Variants in MMP24 observed in about 807,000 individuals in gnomAD.
The protein encoded by MMP24 is matrix metallopeptidase 24, also known as matrix metalloproteinase-24.
In MMP24, 25 loss-of-function variants were observed where a neutral mutation model predicts 62.8. The observed-to-expected ratio is 0.40, with a 90% CI of 0.29 to 0.56. The LOEUF (loss-of-function observed/expected upper bound fraction) is 0.56, where lower values mean the gene tolerates loss of function less well. MMP24 is among the 20% of genes least tolerant of loss of function. The probability of loss-of-function intolerance (pLI) is 0.50; values close to 1 mark genes in which losing one functional copy is unlikely to be tolerated. For synonymous variants in MMP24, 319 were observed against 350.5 expected (o/e 0.91, Z 1.00); for missense variants, 634 against 853.6 (o/e 0.74, Z 3.21).
chr20:35,250,805 AACTC>A (rs1222626981), intron 2 of MMP24, among the ~76,000 whole-genome samples: 4 of 152,064 alleles, frequency 2.6e-5, no homozygotes, highest in African/African-American at 7.2e-5. Context: ...ATCTCATGAG[AACTC>A]ACTCACTATC....
intron 4 of MMP24, among the ~76,000 whole-genome samples, chr20:35,262,035 C>T (rs1434633314): frequency 6.6e-6 from 1 of 152,068 alleles, no homozygotes; most frequent in African/African-American, 2.4e-5. Flanking sequence ...CTCCTGACCT[C>T]AAGTGATCCA....
At chr20:35,267,085 G>A in intron 5 of MMP24, 120 bp from the exon 6 acceptor site, 2 of 761,466 alleles carry the variant, frequency 2.6e-6, no homozygotes, top group Admixed American at 2.9e-5. Flanking sequence ...AAACTGGGGA[G>A]AGGGAACAGG....
intron 2 of MMP24, among the ~76,000 whole-genome samples, chr20:35,248,572 T>C (rs1020872000): frequency 6.6e-6 from 1 of 151,938 alleles, no homozygotes; most frequent in South Asian, 2.1e-4. Context: ...CCTCCCAGAG[T>C]GCTAGGATTA....
intron 1 of MMP24, among the ~76,000 whole-genome samples, chr20:35,246,278 C>T (rs1270197962): frequency 6.8e-6 from 1 of 145,988 alleles, no homozygotes; most frequent in African/African-American, 2.6e-5. Context: ...CATAGTGAAA[C>T]CCTGTCTCTA....
At chr20:35,235,151 C>G (rs2060457050) in intron 1 of MMP24, among the ~76,000 whole-genome samples, 1 of 152,192 alleles carries the variant, frequency 6.6e-6, no homozygotes, top group South Asian at 2.1e-4. Flanking sequence ...CATCTGTAAC[C>G]CTAGCACTTT....
At position 35,271,478 on chromosome 20, in the gene MMP24, G is replaced by T; in HGVS notation, c.1334-91G>T. On this transcript the variant is annotated intron_variant, in intron 7 of 8. Transcript: ENST00000246186. This position sits in a 1 kb window ranked among gnomAD's most constrained non-coding sequence, Gnocchi z 4.0. Reference sequence around the variant, plus strand: ...ACTCTAACTGGGCCAAGGGGCTGAGGGCATCAGACTGTTTTCACCTGACAC... The same window carrying T: ...ACTCTAACTGGGCCAAGGGGCTGAGTGCATCAGACTGTTTTCACCTGACAC... 1 of 1,473,730 alleles carries T rather than the reference G, an allele frequency of 6.8e-7. No individual in the cohort carries two copies. Among genetic ancestry groups the T allele is most frequent in the Non-Finnish European group, 9.1e-7 (1 of 1,093,392 alleles). The allele number at this position is 1,473,730 out of a possible 1,614,324, so 91.3% of individuals were successfully genotyped here.
At chr20:35,238,619 G>A (rs1205653355) in intron 1 of MMP24, among the ~76,000 whole-genome samples, 1 of 152,186 alleles carries the variant, frequency 6.6e-6, no homozygotes, top group Non-Finnish European at 1.5e-5. Flanking sequence ...TAACTGCAGA[G>A]ATGGAAAGCT....
intron 1 of MMP24, among the ~76,000 whole-genome samples, chr20:35,232,034 C>A (rs2060440183): frequency 6.6e-6 from 1 of 152,160 alleles, no homozygotes; most frequent in Non-Finnish European, 1.5e-5. Context: ...AAGAGTGAAT[C>A]TCCGTCTCAG....
At chr20:35,252,100 C>T in intron 3 of MMP24, 79 bp downstream of exon 3, 5 of 1,189,322 alleles carry the variant, frequency 4.2e-6, no homozygotes, top group South Asian at 2.5e-5. Flanking sequence ...TTCAAAGGCT[C>T]ACAATGTAGG....
intron 4 of MMP24, chr20:35,263,522 T>C (rs2060615279): frequency 6.9e-6 from 2 of 291,036 alleles, no homozygotes; most frequent in Admixed American, 5.2e-5. Context: ...AAATGACCCC[T>C]CTCTCCTCAG....
At chr20:35,270,013 A>G in intron 7 of MMP24, 115 bp downstream of exon 7, 2 of 1,278,362 alleles carry the variant, frequency 1.6e-6, no homozygotes, top group Admixed American at 2.5e-5. Flanking sequence ...GGGCCCCTCT[A>G]GTCTAACGGA....
intron 1 of MMP24, among the ~76,000 whole-genome samples, chr20:35,232,972 G>A (rs1043710159): frequency 5.9e-5 from 9 of 152,122 alleles, no homozygotes; most frequent in Admixed American, 1.3e-4. Context: ...TTAGGGGCGA[G>A]TACTCATTTT....
At position 35,271,640 on chromosome 20, in the gene MMP24, AGCTGT is replaced by A; in HGVS notation, c.1406_1410del (p.Ser469IlefsTer4). On this transcript the variant is annotated frameshift_variant, in exon 8 of 9. Coordinates refer to ENST00000246186, the MANE Select transcript of MMP24 (RefSeq NM_006690.4). LOFTEE classifies it high-confidence loss of function. This position sits in a 1 kb window ranked among gnomAD's most constrained non-coding sequence, Gnocchi z 4.0. ...CCCCCACAGCCTGGGGGAGCTGGGC[AGCTGT>A]TTGCCCCGTGAAGGCATTGACACAG... 1 of 1,611,396 alleles carries A rather than the reference AGCTGT, an allele frequency of 6.2e-7. No homozygotes were observed. The highest frequency in any genetic ancestry group is 8.5e-7 in the Non-Finnish European group (1 of 1,178,878).
In MMP24 at chr20:35,226,955, G is replaced by T. The variant is rs930620193; in HGVS notation, c.217G>T (p.Asp73Tyr). ...AAVAVAVARA[D>Y]EAEAPFAGQN... is the part of the protein sequence containing the mutation. ...GGTGGCGGTGGCGGTGGCGCGGGCG[G>T]ACGAGGCGGAGGCGCCCTTCGCCGG... Residue 73 changes from aspartate to tyrosine, a missense_variant, in exon 1 of 9, where the codon GAC (aspartate) becomes TAC (tyrosine). Transcript: ENST00000246186. 39 of 979,736 alleles carry T rather than the reference G, an allele frequency of 4.0e-5. No homozygotes were observed. The highest frequency in any genetic ancestry group is 6.4e-5 in the Admixed American group (1 of 15,700). The allele number at this position is 979,736 out of a possible 1,614,324, so 60.7% of individuals were successfully genotyped here. A position where few individuals can be genotyped will look rare whatever the true frequency, so the allele number is the denominator to read the frequency against.
At chr20:35,229,594 C>G (rs549113239) in intron 1 of MMP24, among the ~76,000 whole-genome samples, 35 of 152,260 alleles carry the variant, frequency 2.3e-4, no homozygotes, top group African/African-American at 8.2e-4. Context: ...ACTTGATTGA[C>G]ACCTTATAGA....
At chr20:35,237,192 T>C (rs1330995553) in intron 1 of MMP24, among the ~76,000 whole-genome samples, 1 of 152,208 alleles carries the variant, frequency 6.6e-6, no homozygotes, top group Non-Finnish European at 1.5e-5. Context: ...AACACAGACT[T>C]GTTTTCTTAC....
At chr20:35,230,986 G>T (rs1359531360) in intron 1 of MMP24, among the ~76,000 whole-genome samples, 2 of 151,964 alleles carry the variant, frequency 1.3e-5, no homozygotes. Context: ...TCAACAAACA[G>T]GATCCTATGC....
chr20:35,253,269 A>ATTTTTTTTTTTT (rs2060557038), intron 3 of MMP24, among the ~76,000 whole-genome samples: 13 of 62,508 alleles, frequency 2.1e-4, no homozygotes, highest in African/African-American at 1.4e-3. Context: ...ACAGAACGGG[A>ATTTTTTTTTTTT]CTTTTTTTTT....
At chr20:35,257,180 C>A (rs1600793290) in intron 4 of MMP24, among the ~76,000 whole-genome samples, 1 of 152,178 alleles carries the variant, frequency 6.6e-6, no homozygotes, top group East Asian at 1.9e-4. Flanking sequence ...GGTTATCTGT[C>A]AAAGGCTGGA....
Sources: gnomAD v4.1 joint callset for allele counts (sites outside exome capture counted in the v4.1 genomes callset) on GRCh38, gnomAD v4.1.1 for gene constraint, Gnocchi (gnomAD v3.1) non-coding constraint, MANE v1.5 for transcripts, NCBI Gene and HGNC (gene_info 2026-07-23, HGNC 2026-07-21) for gene names.